The following PIP5K1B variants were observed in gnomAD, a reference collection of about 807,000 sequenced individuals.
PIP5K1B encodes phosphatidylinositol 4-phosphate 5-kinase type-1 beta.
In PIP5K1B, 42 loss-of-function variants were observed where a neutral mutation model predicts 67.0. That is an observed-to-expected ratio of 0.63 (90% CI 0.49 to 0.81). The LOEUF (loss-of-function observed/expected upper bound fraction) is 0.81. Ranked by LOEUF, PIP5K1B falls within the 30% of genes least tolerant of loss-of-function variation. The pLI, the probability that PIP5K1B is intolerant of heterozygous loss-of-function variation, is 0.00. For synonymous variants in PIP5K1B, 214 were observed against 231.4 expected (o/e 0.92, Z 0.68); for missense variants, 459 against 646.3 (o/e 0.71, Z 3.14).
chr9:68,947,172 G>A lies in PIP5K1B; in HGVS notation c.1502+6382G>A, dbSNP rs113486589. Among the ~76,000 whole-genome samples the A allele has an allele frequency of 2.6e-5, 4 of 152,310 alleles. 1 individual carries two copies. Among genetic ancestry groups the A allele is most frequent in the African/African-American group, 7.2e-5 (3 of 41,564 alleles). On this transcript the variant is annotated intron_variant, in intron 14 of 15. Coordinates refer to ENST00000265382, the MANE Select transcript of PIP5K1B (RefSeq NM_003558.4). ...ACACTTGGAATTTCAAAGGGAATTGGTTACAGAATGTGGGGAGGCTGGAAG... is the reference window on the plus strand; with the variant it reads ...ACACTTGGAATTTCAAAGGGAATTGATTACAGAATGTGGGGAGGCTGGAAG...
At chr9:68,888,275 G>A (rs1284726839) in intron 6 of PIP5K1B, among the ~76,000 whole-genome samples, 1 of 152,166 alleles carries the variant, frequency 6.6e-6, no homozygotes, top group Non-Finnish European at 1.5e-5. Context: ...ACCACGCCTG[G>A]CCCCAGCCTT....
At chr9:68,990,944 G>A (rs1830337083) in intron 14 of PIP5K1B, among the ~76,000 whole-genome samples, 196 bp from the exon 15 acceptor site, 1 of 152,154 alleles carries the variant, frequency 6.6e-6, no homozygotes, top group Admixed American at 6.5e-5. Flanking sequence ...TTACAGGCAT[G>A]AGCCACCGCG....
At chr9:68,881,016 G>A (rs1045343584) in intron 6 of PIP5K1B, among the ~76,000 whole-genome samples, 1 of 152,202 alleles carries the variant, frequency 6.6e-6, no homozygotes, top group Non-Finnish European at 1.5e-5. Context: ...AACCTTCAGC[G>A]ACTTTTTAGC....
At position 68,808,155 on chromosome 9, in the gene PIP5K1B, G is replaced by A. The variant is rs539174309; in HGVS notation, c.-85-10306G>A. ...AGAGGTTGCAGTGAGCAGCGATCAT[G>A]CCACTGCACTCCAGCCTGGGTGACA... On this transcript the variant is annotated intron_variant, in intron 2 of 15. Transcript: ENST00000265382. 3.9e-5 allele frequency among the ~76,000 whole-genome samples: 6 copies of A among 152,296 alleles called. No individual in the cohort carries two copies. The South Asian group carries it at 6.2e-4, about 16-fold the overall frequency.
intron 8 of PIP5K1B, among the ~76,000 whole-genome samples, chr9:68,909,301 T>C (rs1372997595): frequency 6.6e-6 from 1 of 152,110 alleles, no homozygotes; most frequent in African/African-American, 2.4e-5. Context: ...GTTTGTTTGT[T>C]TGTTTAACTG....
chr9:68,747,386 G>A (rs1829370729), intron 2 of PIP5K1B, among the ~76,000 whole-genome samples: 1 of 151,642 alleles, frequency 6.6e-6, no homozygotes, highest in African/African-American at 2.4e-5. Context: ...TTACTGCCAC[G>A]TCGTTATAAA....
chr9:68,741,980 A>G (rs937375186), intron 1 of PIP5K1B, among the ~76,000 whole-genome samples: 7 of 152,348 alleles, frequency 4.6e-5, no homozygotes, highest in African/African-American at 1.4e-4. Context: ...ACTGGAAGAT[A>G]ATCTTAGCTG....
At chr9:68,764,133 G>C (rs1278755850) in intron 2 of PIP5K1B, among the ~76,000 whole-genome samples, 1 of 132,068 alleles carries the variant, frequency 7.6e-6, no homozygotes, top group Non-Finnish European at 1.6e-5. Context: ...CATGCTTTCA[G>C]GAGATGTCAA....
intron 2 of PIP5K1B, among the ~76,000 whole-genome samples, chr9:68,764,252 A>T (rs1410786436): frequency 1.3e-5 from 2 of 151,614 alleles, no homozygotes; most frequent in South Asian, 4.2e-4. Context: ...TCATCTATTC[A>T]TTGCATTCAG....
chr9:68,801,965 C>T (rs1178486501), intron 2 of PIP5K1B, among the ~76,000 whole-genome samples: 1 of 152,168 alleles, frequency 6.6e-6, no homozygotes, highest in Non-Finnish European at 1.5e-5. Flanking sequence ...AAAAGATACC[C>T]CACCAGATAA....
At chr9:68,709,864 C>T (rs534143622) in intron 1 of PIP5K1B, among the ~76,000 whole-genome samples, 2 of 152,258 alleles carry the variant, frequency 1.3e-5, no homozygotes, top group East Asian at 1.9e-4. Flanking sequence ...GAGCTATGAT[C>T]GCACCACTGT....
At chr9:68,935,288 G>A (rs111229473) in intron 13 of PIP5K1B, among the ~76,000 whole-genome samples, 5 of 152,198 alleles carry the variant, frequency 3.3e-5, no homozygotes, top group East Asian at 1.9e-4. Context: ...CCAACATGGC[G>A]AAACCCTGTC....
intron 13 of PIP5K1B, 32 bp downstream of exon 13, chr9:68,935,077 AC>A (rs766781695): frequency 6.3e-7 from 1 of 1,583,878 alleles, no homozygotes; most frequent in Non-Finnish European, 8.6e-7. Flanking sequence ...AAAAAGACAA[AC>A]GTTCTTGTGA....
At chr9:68,787,689 G>A (rs1007844310) in intron 2 of PIP5K1B, among the ~76,000 whole-genome samples, 3 of 151,948 alleles carry the variant, frequency 2.0e-5, no homozygotes, top group African/African-American at 7.3e-5. Flanking sequence ...CTGGAGTGCA[G>A]GGGTGCAATC....
chr9:68,746,779 C>G (rs1022802170), intron 2 of PIP5K1B, among the ~76,000 whole-genome samples: 2 of 152,190 alleles, frequency 1.3e-5, no homozygotes, highest in Non-Finnish European at 2.9e-5. Flanking sequence ...TAGCAGCAGC[C>G]TGGCCTCGGG....
chr9:68,860,300 A>G (rs2132247901), intron 4 of PIP5K1B, among the ~76,000 whole-genome samples: 1 of 152,226 alleles, frequency 6.6e-6, no homozygotes, highest in East Asian at 1.9e-4. Flanking sequence ...ATATATCACT[A>G]TTAAAGCATT....
intron 8 of PIP5K1B, among the ~76,000 whole-genome samples, chr9:68,909,953 A>G (rs1408409497): frequency 6.6e-6 from 1 of 152,208 alleles, no homozygotes; most frequent in Admixed American, 6.5e-5. Context: ...TAGGTGCGCA[A>G]TAAAATACGT....
intron 11 of PIP5K1B, among the ~76,000 whole-genome samples, chr9:68,920,430 C>T (rs528948280): frequency 6.6e-5 from 8 of 120,624 alleles, no homozygotes; most frequent in Admixed American, 6.1e-4. Context: ...TGCAGTGGTG[C>T]AATCTCAGCT....
chr9:68,902,706 G>A (rs1416603933), intron 8 of PIP5K1B, among the ~76,000 whole-genome samples: 2 of 152,216 alleles, frequency 1.3e-5, no homozygotes, highest in African/African-American at 4.8e-5. Flanking sequence ...CAGAGTGGTT[G>A]CACCATTTTA....
Sources: allele counts gnomAD v4.1 joint callset (sites outside exome capture counted in the v4.1 genomes callset), GRCh38; gene constraint gnomAD v4.1.1; transcripts MANE v1.5; gene names NCBI Gene and HGNC (gene_info 2026-07-23, HGNC 2026-07-21).